Variants in CLEC2B observed in about 807,000 individuals in gnomAD.
CLEC2B encodes the protein C-type lectin domain family 2 member B.
In CLEC2B, 14 loss-of-function variants were observed where a neutral mutation model predicts 16.2. The observed-to-expected ratio is 0.86, with a 90% CI of 0.57 to 1.35. The LOEUF (loss-of-function observed/expected upper bound fraction) is 1.35. Among genes scored for constraint, CLEC2B ranks in the 40% most tolerant of loss-of-function variants. The pLI is 0.00. For synonymous variants in CLEC2B, 42 were observed against 55.8 expected (o/e 0.75, Z 1.10); for missense variants, 166 against 182.3 (o/e 0.91, Z 0.52).
At chr12:9,866,485 T>G (rs1867971040) in intron 1 of CLEC2B, among the ~76,000 whole-genome samples, 1 of 152,156 alleles carries the variant, frequency 6.6e-6, no homozygotes, top group Non-Finnish European at 1.5e-5. Context: ...AGAGCATATG[T>G]GTGTTGTGTT....
At position 9,857,053 on chromosome 12, in the gene CLEC2B, G is replaced by C. The variant is rs938087160; in HGVS notation, c.237+421C>G. On this transcript the variant is annotated intron_variant, in intron 3 of 4. Transcript: ENST00000228438. ...TCCTCTCTATTGCATTACTGGTAGA[G>C]AGTGTTCTAATGGAAGCTGCCACGG... The C allele has an allele frequency of 2.4e-5, 4 of 164,200 alleles. No individual in the cohort carries two copies. In the Admixed American group the frequency reaches 2.5e-4, roughly 10 times the overall value. The allele number at this position is 164,200 out of a possible 1,614,324, so 10.2% of individuals were successfully genotyped here.
chr12:9,863,660 C>G (rs936298395), intron 1 of CLEC2B, among the ~76,000 whole-genome samples: 2 of 151,566 alleles, frequency 1.3e-5, no homozygotes, highest in African/African-American at 4.9e-5. Context: ...TTTGCTGAAC[C>G]GAAAATTTTA....
chr12:9,860,604 A>T (rs1370011886), intron 2 of CLEC2B, among the ~76,000 whole-genome samples: 1 of 151,864 alleles, frequency 6.6e-6, no homozygotes, highest in Non-Finnish European at 1.5e-5. Context: ...CTCAATCAAA[A>T]TTACAGATAA....
Position 9,856,353 on chromosome 12 carries a change from C to A in CLEC2B, c.237+1121G>T, listed in dbSNP as rs73245301. On this transcript the variant is annotated intron_variant, in intron 3 of 4. Coordinates refer to ENST00000228438, the MANE Select transcript of CLEC2B (RefSeq NM_005127.3). ...TCTCAGAATGTTCATTTTCAAAAGT[C>A]TTGCAAAATTCAGCAGTGACGTTAT... is the stretch of plus-strand genomic sequence containing the variant. Among the ~76,000 whole-genome samples, 312 of 152,162 alleles carry A rather than the reference C, an allele frequency of 2.1e-3. 1 individual carries two copies. Among genetic ancestry groups the A allele is most frequent in the African/African-American group, 6.7e-3 (277 of 41,556 alleles).
intron 3 of CLEC2B, among the ~76,000 whole-genome samples, chr12:9,855,516 T>A (rs896909898): frequency 1.3e-5 from 2 of 152,008 alleles, no homozygotes; most frequent in Non-Finnish European, 2.9e-5. Flanking sequence ...AAATTGGAAT[T>A]TACGGAAAAA....
chr12:9,854,614 G>C (rs909591348), intron 3 of CLEC2B, 130 bp from the exon 4 acceptor site: 23 of 567,266 alleles, frequency 4.1e-5, no homozygotes, highest in Non-Finnish European at 6.8e-5. Context: ...CTAGAAAATA[G>C]CTATGGAGTT....
At chr12:9,857,693 G>T in intron 2 of CLEC2B, 56 bp from the exon 3 acceptor site, 1 of 1,319,710 alleles carries the variant, frequency 7.6e-7, no homozygotes, top group Non-Finnish European at 1.1e-6. Flanking sequence ...ATGCTACTGT[G>T]TTTTGAGATC....
At chr12:9,862,855 ACAT>A (rs1193837832) in intron 1 of CLEC2B, among the ~76,000 whole-genome samples, 1 of 152,148 alleles carries the variant, frequency 6.6e-6, no homozygotes, top group East Asian at 1.9e-4. Context: ...GGGCATGGAA[ACAT>A]CATTTCTATA....
chr12:9,863,694 G>A (rs535628406), intron 1 of CLEC2B, among the ~76,000 whole-genome samples: 16 of 152,166 alleles, frequency 1.1e-4, no homozygotes, highest in South Asian at 2.1e-4. Context: ...AAAGAGAATG[G>A]ATCAAGAAGA....
intron 1 of CLEC2B, among the ~76,000 whole-genome samples, chr12:9,864,590 T>C (rs1411674623): frequency 9.2e-5 from 14 of 152,214 alleles, no homozygotes; most frequent in Admixed American, 9.2e-4. Context: ...TTTTCCTTTG[T>C]TGCTATTCTT....
intron 1 of CLEC2B, among the ~76,000 whole-genome samples, chr12:9,863,165 TC>T (rs1867946242): frequency 6.6e-6 from 1 of 152,080 alleles, no homozygotes; most frequent in Non-Finnish European, 1.5e-5. Context: ...TACTGGGATA[TC>T]CCCTTTGGAA....
chr12:9,864,141 G>C (rs1420617598), intron 1 of CLEC2B, among the ~76,000 whole-genome samples: 1 of 141,644 alleles, frequency 7.1e-6, no homozygotes, highest in African/African-American at 2.6e-5. Flanking sequence ...CAAGAGAAAA[G>C]TGATGACATT....
chr12:9,864,903 C>A (rs1310921157), intron 1 of CLEC2B, among the ~76,000 whole-genome samples: 1 of 152,092 alleles, frequency 6.6e-6, no homozygotes, highest in Non-Finnish European at 1.5e-5. Context: ...AAAGTGCAGG[C>A]CGGGTGCAGT....
At chr12:9,858,339 C>A (rs1404542594) in intron 2 of CLEC2B, among the ~76,000 whole-genome samples, 1 of 152,006 alleles carries the variant, frequency 6.6e-6, no homozygotes, top group East Asian at 1.9e-4. Flanking sequence ...TGTAGCACAG[C>A]CCCAGCCTTG....
chr12:9,857,371 A>T, intron 3 of CLEC2B, 103 bp downstream of exon 3: 2 of 817,888 alleles, frequency 2.4e-6, no homozygotes, highest in Non-Finnish European at 3.9e-6. Flanking sequence ...TTTTCTGCAT[A>T]GATAGGCATG....
intron 2 of CLEC2B, among the ~76,000 whole-genome samples, chr12:9,860,697 C>T (rs1263156690): frequency 2.0e-5 from 3 of 151,622 alleles, no homozygotes; most frequent in African/African-American, 7.3e-5. Flanking sequence ...TTTAAACAAC[C>T]AGACATCAAG....
At chr12:9,864,090 A>G (rs1286948828) in intron 1 of CLEC2B, among the ~76,000 whole-genome samples, 1 of 151,524 alleles carries the variant, frequency 6.6e-6, no homozygotes, top group Non-Finnish European at 1.5e-5. Flanking sequence ...AGGAGCTCCA[A>G]TTTATCTGAT....
intron 1 of CLEC2B, among the ~76,000 whole-genome samples, chr12:9,865,908 G>A (rs1311442636): frequency 6.6e-6 from 1 of 152,024 alleles, no homozygotes; most frequent in Non-Finnish European, 1.5e-5. Context: ...AACGACCAAA[G>A]AGTCAATGTT....
intron 2 of CLEC2B, among the ~76,000 whole-genome samples, chr12:9,858,530 A>G (rs1478831450): frequency 6.6e-6 from 1 of 152,000 alleles, no homozygotes; most frequent in African/African-American, 2.4e-5. Flanking sequence ...TAGTTTTTCA[A>G]TATCATTCAC....
Sources: gnomAD v4.1 joint callset for allele counts (sites outside exome capture counted in the v4.1 genomes callset) on GRCh38, gnomAD v4.1.1 for gene constraint, MANE v1.5 for transcripts, NCBI Gene and HGNC (gene_info 2026-07-23, HGNC 2026-07-21) for gene names.